Variants in ZFHX3 observed in about 807,000 individuals in gnomAD.
The protein encoded by ZFHX3 is zinc finger homeobox protein 3.
ZFHX3 carries 42 observed loss-of-function variants against 279.1 expected under a neutral mutation model. The observed-to-expected ratio is 0.15, with a 90% CI of 0.12 to 0.19. ZFHX3 has a LOEUF of 0.19. Among genes scored for constraint, ZFHX3 ranks in the 10% least tolerant of loss-of-function variants. The pLI is 1.00. For missense variants in ZFHX3, 4,981 were observed against 4,754.0 expected (o/e 1.05, Z -1.40); for synonymous variants, 2,293 against 1,957.8 (o/e 1.17, Z -4.52).
At chr16:73,518,591 A>G (rs983045314) in intron 2 of ZFHX3, among the ~76,000 whole-genome samples, 2 of 152,318 alleles carry the variant, frequency 1.3e-5, no homozygotes, top group Non-Finnish European at 2.9e-5. Flanking sequence ...AGCAAGACAT[A>G]TTTAACCACT....
At chr16:73,145,689 G>A (rs1415947618) in intron 5 of ZFHX3, among the ~76,000 whole-genome samples, 1 of 152,208 alleles carries the variant, frequency 6.6e-6, no homozygotes, top group African/African-American at 2.4e-5. Context: ...TTGCGGTGAC[G>A]CATGGCCACA....
Position 72,959,625 on chromosome 16 carries a change from A to G in ZFHX3, c.521T>C (p.Leu174Pro). 1.2e-6 allele frequency: 2 copies of G among 1,614,088 alleles called. No individual in the cohort carries two copies. Among genetic ancestry groups the G allele is most frequent in the African/African-American group, 1.3e-5 (1 of 75,052 alleles). ...GPLPSLFLNS[L>P]PGAGGKQGDP... ...CCCTTGCTTGCCCCCCGCGCCAGGG[A>G]GAGAGTTCAGGAAAAGCGAGGGGAG... The change falls in exon 2 of 10, where the codon CTC becomes CCC. Residue 174 changes from leucine (L) to proline (P), a missense_variant. This residue lies in a region of ZFHX3 where 1,068 missense variants were observed against 935.2 expected (regional missense o/e 1.14). Transcript: ENST00000268489.
intron 1 of ZFHX3, among the ~76,000 whole-genome samples, chr16:72,966,640 A>G (rs1018288970): frequency 3.3e-5 from 5 of 152,216 alleles, no homozygotes; most frequent in Non-Finnish European, 5.9e-5. Flanking sequence ...CTGTAGCCTC[A>G]TCGGAATGGC....
At chr16:73,405,455 CCT>C (rs2017340744) in intron 3 of ZFHX3, among the ~76,000 whole-genome samples, 1 of 152,118 alleles carries the variant, frequency 6.6e-6, no homozygotes, top group Admixed American at 6.5e-5. Flanking sequence ...TAGCATGTCT[CCT>C]TATCTGTATA....
intron 1 of ZFHX3, among the ~76,000 whole-genome samples, chr16:73,040,564 G>GTC (rs1415494956): frequency 1.3e-5 from 2 of 152,144 alleles, no homozygotes; most frequent in Non-Finnish European, 2.9e-5. Flanking sequence ...GGGAGGGCTG[G>GTC]GGTGGATGGG....
chr16:73,300,264 TAAAAA>T (rs36110201), intron 4 of ZFHX3, among the ~76,000 whole-genome samples: 5 of 124,044 alleles, frequency 4.0e-5, no homozygotes, highest in Non-Finnish European at 4.9e-5. Flanking sequence ...CTCTGTCTCT[TAAAAA>T]AAAAAAAAAA....
At chr16:73,019,620 T>G (rs1383630701) in intron 1 of ZFHX3, among the ~76,000 whole-genome samples, 1 of 152,178 alleles carries the variant, frequency 6.6e-6, no homozygotes, top group East Asian at 1.9e-4. Flanking sequence ...CACCCTGAGA[T>G]GCACAGACTG....
At chr16:73,010,648 C>T (rs564492071) in intron 1 of ZFHX3, among the ~76,000 whole-genome samples, 1 of 152,060 alleles carries the variant, frequency 6.6e-6, no homozygotes, top group Non-Finnish European at 1.5e-5. Context: ...ATAAAAGGAC[C>T]GAGCTGGCAG....
intron 5 of ZFHX3, among the ~76,000 whole-genome samples, chr16:73,183,184 AAC>A (rs565875865): frequency 1.0e-3 from 157 of 152,300 alleles, no homozygotes; most frequent in Non-Finnish European, 2.0e-3. Context: ...CAGCCTGGGC[AAC>A]AGAGTAAGAC....
At chr16:73,116,107 C>T (rs1439622738) in intron 7 of ZFHX3, among the ~76,000 whole-genome samples, 6 of 145,974 alleles carry the variant, frequency 4.1e-5, no homozygotes, top group South Asian at 2.1e-4. Context: ...GCAACAAGAG[C>T]GAAACTCTGT....
rs113975093 is a variant in ZFHX3 at position 73,317,017 on chromosome 16, C to A, written c.-1194+1223G>T. 2.9e-3 allele frequency among the ~76,000 whole-genome samples: 448 copies of A among 152,142 alleles called. 3 individuals are homozygous for A. Among genetic ancestry groups the A allele is most frequent in the South Asian group, 0.014 (68 of 4,804 alleles). On this transcript the variant is annotated intron_variant, in intron 4 of 17. Transcript: ENST00000641206. ...CAGACAGAGGAACTTGGAGACTAGC[C>A]AGGCCTCTTTTTAATAAACACAGGA...
At chr16:73,240,021 TTGTGTGTGTGTG>T (rs113010649) in intron 5 of ZFHX3, among the ~76,000 whole-genome samples, 4 of 146,950 alleles carry the variant, frequency 2.7e-5, no homozygotes, top group Non-Finnish European at 3.0e-5. Context: ...GAACCTTATT[TTGTGTGTGTGTG>T]TGTGTGTGTG....
chr16:73,804,663 T>C (rs1293602728), intron 1 of ZFHX3, among the ~76,000 whole-genome samples: 6 of 152,142 alleles, frequency 3.9e-5, no homozygotes, highest in African/African-American at 7.2e-5. Context: ...ATGAGTCTTT[T>C]ATTGAAAAAT....
At chr16:73,778,836 C>G (rs566729714) in intron 1 of ZFHX3, among the ~76,000 whole-genome samples, 1 of 152,284 alleles carries the variant, frequency 6.6e-6, no homozygotes, top group African/African-American at 2.4e-5. Flanking sequence ...CAGTCTGTGC[C>G]TGAGCCGAAG....
chr16:73,716,039 T>A (rs773662356), intron 1 of ZFHX3, among the ~76,000 whole-genome samples: 1 of 152,354 alleles, frequency 6.6e-6, no homozygotes, highest in Admixed American at 6.5e-5. Flanking sequence ...AATTATTTTA[T>A]TGACGTCTTT....
At chr16:73,573,044 C>G (rs546870164) in intron 2 of ZFHX3, among the ~76,000 whole-genome samples, 1 of 152,304 alleles carries the variant, frequency 6.6e-6, no homozygotes, top group South Asian at 2.1e-4. Flanking sequence ...TCCGTGACCC[C>G]AAACCATCTT....
chr16:73,642,726 T>G (rs1384890063), intron 2 of ZFHX3, among the ~76,000 whole-genome samples: 2 of 152,148 alleles, frequency 1.3e-5, no homozygotes. Context: ...CCTAGAACAG[T>G]ACAGCCTGAA....
intron 2 of ZFHX3, among the ~76,000 whole-genome samples, chr16:73,593,054 C>G (rs372610924): frequency 6.6e-6 from 1 of 151,828 alleles, no homozygotes; most frequent in Non-Finnish European, 1.5e-5. Context: ...ATACAACTTA[C>G]CAAAAATGGT....
At chr16:73,546,893 C>T (rs1332655930) in intron 2 of ZFHX3, among the ~76,000 whole-genome samples, 6 of 152,142 alleles carry the variant, frequency 3.9e-5, no homozygotes, top group Middle Eastern at 3.4e-3. Context: ...GAGTCACGGC[C>T]ATCCTATTGT....
Sources: gnomAD v4.1 joint callset for allele counts (sites outside exome capture counted in the v4.1 genomes callset) on GRCh38, gnomAD v4.1.1 for gene constraint, gnomAD v4.1.1 regional missense constraint, MANE v1.5 for transcripts, NCBI Gene and HGNC (gene_info 2026-07-23, HGNC 2026-07-21) for gene names.